CSMD1: variants seen among roughly 807,000 people sequenced by gnomAD.
CSMD1 encodes the protein CUB and sushi domain-containing protein 1.
CSMD1 carries 213 observed loss-of-function variants against 417.5 expected under a neutral mutation model. The ratio of observed to expected loss-of-function variants is 0.51; its 90% CI spans 0.46 to 0.57. The LOEUF (loss-of-function observed/expected upper bound fraction) is 0.57. Among genes scored for constraint, CSMD1 ranks in the 20% least tolerant of loss-of-function variants. The pLI is 0.00. For missense variants in CSMD1, 6,923 were observed against 4,529.7 expected (o/e 1.53, Z -15.17); for synonymous variants, 2,862 against 1,736.8 (o/e 1.65, Z -16.11).
chr8:3,705,612 G>C (rs1036598350), intron 7 of CSMD1, among the ~76,000 whole-genome samples: 2 of 152,224 alleles, frequency 1.3e-5, no homozygotes, highest in Admixed American at 1.3e-4. Flanking sequence ...GCAAACAGAG[G>C]GGGCTGTGGA....
At chr8:4,404,890 G>T (rs565313227) in intron 3 of CSMD1, among the ~76,000 whole-genome samples, 1 of 152,028 alleles carries the variant, frequency 6.6e-6, no homozygotes, top group South Asian at 2.1e-4. Context: ...CATTTATTTC[G>T]CTCATTGAAT....
In CSMD1 at chr8:3,118,491, C is replaced by T; in HGVS notation, c.6338G>A (p.Cys2113Tyr). Residue 2113 changes from cysteine (C) to tyrosine (Y), a missense_variant, in exon 42 of 70, where the codon TGT (cysteine) becomes TAT (tyrosine). Physicochemically the swap from Cys to Tyr is radical, Grantham distance 194. Coordinates refer to ENST00000635120, the MANE Select transcript of CSMD1 (RefSeq NM_033225.6). Reference sequence around the variant, plus strand: ...GCCTATTAGAATGTACCCAGGATAACACTCGAAAGATACTGATTGCCCCAC... The same window carrying T: ...GCCTATTAGAATGTACCCAGGATAATACTCGAAAGATACTGATTGCCCCAC... Reference protein sequence around the residue: ...YSVGQSVSFECYPGYILIGHP... With the variant: ...YSVGQSVSFEYYPGYILIGHP... 1 of 1,613,908 alleles carries T rather than the reference C, an allele frequency of 6.2e-7. No homozygotes were observed. Among genetic ancestry groups the T allele is most frequent in the Admixed American group, 1.7e-5 (1 of 60,018 alleles).
chr8:4,427,474 G>C (rs1329009532), intron 2 of CSMD1, among the ~76,000 whole-genome samples: 1 of 130,644 alleles, frequency 7.7e-6, no homozygotes, highest in African/African-American at 3.0e-5. Flanking sequence ...AAGTTCAGAA[G>C]AGACTTAATC....
At chr8:4,122,869 G>C (rs139786482) in intron 3 of CSMD1, among the ~76,000 whole-genome samples, 57 of 152,250 alleles carry the variant, frequency 3.7e-4, no homozygotes, top group African/African-American at 1.3e-3. Flanking sequence ...TCCACATAAA[G>C]AAAGGCAACT....
At chr8:3,643,431 C>A (rs1007931105) in intron 7 of CSMD1, among the ~76,000 whole-genome samples, 1 of 152,140 alleles carries the variant, frequency 6.6e-6, no homozygotes, top group Non-Finnish European at 1.5e-5. Flanking sequence ...GGCCGGACGC[C>A]GTGGCTCACG....
intron 18 of CSMD1, among the ~76,000 whole-genome samples, chr8:3,371,353 CAG>C (rs1463580789): frequency 3.3e-5 from 5 of 152,166 alleles, no homozygotes; most frequent in African/African-American, 9.7e-5. Context: ...GCAAAAATCA[CAG>C]CTCATTCCTG....
chr8:3,317,535 T>A lies in CSMD1; in HGVS notation c.3632-9032A>T, dbSNP rs12680184. 9.8e-5 allele frequency among the ~76,000 whole-genome samples: 15 copies of A among 152,318 alleles called. No individual in the cohort carries two copies. In the East Asian group the frequency reaches 2.5e-3, roughly 26 times the overall value. ...TTGTTTTGTTGTACTCACTTCTTTG[T>A]ATAGCAAGGGGTGAATAGTTAAAAA... On this transcript the variant is annotated intron_variant, in intron 23 of 69. Transcript: ENST00000635120.
chr8:4,526,522 A>G (rs1390201229), intron 2 of CSMD1, among the ~76,000 whole-genome samples: 1 of 152,256 alleles, frequency 6.6e-6, no homozygotes, highest in Non-Finnish European at 1.5e-5. Flanking sequence ...AAGACAGTGG[A>G]AACCAACTGA....
At chr8:3,054,842 G>A (rs1393948320) in intron 49 of CSMD1, among the ~76,000 whole-genome samples, 1 of 152,128 alleles carries the variant, frequency 6.6e-6, no homozygotes, top group Non-Finnish European at 1.5e-5. Context: ...ATCATCTTTG[G>A]CTCTGTGGAA....
intron 2 of CSMD1, among the ~76,000 whole-genome samples, chr8:4,469,469 C>A (rs552657582): frequency 2.6e-5 from 4 of 152,174 alleles, no homozygotes; most frequent in African/African-American, 4.8e-5. Context: ...TTTAGAGAAC[C>A]AATTCAGATC....
At chr8:4,436,335 A>G (rs1256514699) in intron 2 of CSMD1, among the ~76,000 whole-genome samples, 1 of 152,146 alleles carries the variant, frequency 6.6e-6, no homozygotes, top group Admixed American at 6.6e-5. Flanking sequence ...GATACTGTCA[A>G]TCTCTCCTTC....
At chr8:4,544,434 T>C (rs891265519) in intron 2 of CSMD1, among the ~76,000 whole-genome samples, 4 of 152,100 alleles carry the variant, frequency 2.6e-5, no homozygotes, top group African/African-American at 9.7e-5. Flanking sequence ...AATTTTGTAA[T>C]AGTTATATGT....
intron 7 of CSMD1, 104 bp from the exon 8 acceptor site, chr8:3,616,901 T>A: frequency 1.5e-6 from 1 of 684,626 alleles, no homozygotes; most frequent in Non-Finnish European, 2.5e-6. Context: ...GATAATGACT[T>A]AAAATGTGAT....
At chr8:3,076,687 G>C (rs190420131) in intron 49 of CSMD1, among the ~76,000 whole-genome samples, 1 of 152,284 alleles carries the variant, frequency 6.6e-6, no homozygotes, top group African/African-American at 2.4e-5. Flanking sequence ...GTTTATGTTA[G>C]AAACCTCATG....
intron 2 of CSMD1, among the ~76,000 whole-genome samples, chr8:4,422,287 G>A (rs74973165): frequency 6.6e-6 from 1 of 151,994 alleles, no homozygotes. Flanking sequence ...TAGTAATTTT[G>A]TGGCATTGAC....
At chr8:4,359,714 G>C (rs147013348) in intron 3 of CSMD1, among the ~76,000 whole-genome samples, 5 of 152,298 alleles carry the variant, frequency 3.3e-5, no homozygotes, top group African/African-American at 1.2e-4. Flanking sequence ...TTTGTCTATA[G>C]ACAGGAGCAC....
rs911495748 is a variant in CSMD1 at position 4,555,239 on chromosome 8, G to A, written c.302+82103C>T. Among the ~76,000 whole-genome samples, 3 of 152,314 alleles carry A rather than the reference G, an allele frequency of 2.0e-5. No individual in the cohort carries two copies. The South Asian group carries it at 6.2e-4, about 32-fold the overall frequency. The stretch of plus-strand genomic sequence containing the variant: ...GAAGACCAGCTTACGGGTTATTGCA[G>A]AAATCTGAGAGGAGATGGCTGTTCG... On this transcript the variant is annotated intron_variant, in intron 2 of 69. Transcript: ENST00000635120.
chr8:4,807,771 C>G (rs1798674926), intron 1 of CSMD1, among the ~76,000 whole-genome samples: 1 of 152,114 alleles, frequency 6.6e-6, no homozygotes, highest in Non-Finnish European at 1.5e-5. Context: ...TGTAAACTAT[C>G]AGCTCTATAT....
At chr8:4,115,370 G>A (rs879543437) in intron 3 of CSMD1, among the ~76,000 whole-genome samples, 12 of 152,162 alleles carry the variant, frequency 7.9e-5, no homozygotes, top group Non-Finnish European at 1.6e-4. Flanking sequence ...TTACACTACT[G>A]TGTACACATA....
Sources: allele counts gnomAD v4.1 joint callset (sites outside exome capture counted in the v4.1 genomes callset), GRCh38; gene constraint gnomAD v4.1.1; transcripts MANE v1.5; gene names NCBI Gene and HGNC (gene_info 2026-07-23, HGNC 2026-07-21).